The following ARL8B variants were observed in gnomAD, a reference collection of about 807,000 sequenced individuals.
ARL8B encodes the protein ADP-ribosylation factor-like protein 8B.
In ARL8B, 9 loss-of-function variants were observed where a neutral mutation model predicts 30.6. The observed-to-expected ratio is 0.29, with a 90% CI of 0.18 to 0.51. The LOEUF is 0.51. Ranked by LOEUF, ARL8B falls within the 20% of genes least tolerant of loss-of-function variation. The pLI, the probability that ARL8B is intolerant of heterozygous loss-of-function variation, is 0.97. For missense variants in ARL8B, 130 were observed against 227.2 expected, an observed-to-expected ratio of 0.57 and a Z score of 2.75; for synonymous variants, 74 against 76.0, an observed-to-expected ratio of 0.97 and a Z score of 0.14.
At chr3:5,162,487 T>C (rs2054591775) in intron 1 of ARL8B, among the ~76,000 whole-genome samples, 1 of 152,248 alleles carries the variant, frequency 6.6e-6, no homozygotes, top group Non-Finnish European at 1.5e-5. Flanking sequence ...GTTATGACTT[T>C]GTAGAAGGTT....
At chr3:5,127,181 C>T (rs1238029314) in intron 1 of ARL8B, among the ~76,000 whole-genome samples, 2 of 152,176 alleles carry the variant, frequency 1.3e-5, no homozygotes, top group Admixed American at 6.5e-5. Flanking sequence ...ATGTGGCTAG[C>T]AGATCCAGTG....
intron 3 of ARL8B, 140 bp downstream of exon 3, chr3:5,172,363 C>T: frequency 1.3e-6 from 1 of 761,528 alleles, no homozygotes; most frequent in Non-Finnish European, 2.2e-6. Flanking sequence ...GTGTAATTCC[C>T]AACATGGGAT....
chr3:5,158,774 A>G (rs899111269), intron 1 of ARL8B, among the ~76,000 whole-genome samples: 1 of 151,872 alleles, frequency 6.6e-6, no homozygotes. Context: ...CTACTGTTTT[A>G]GTAGGCTTTA....
chr3:5,169,336 T>TGTGTGA (rs2054650785), intron 1 of ARL8B, among the ~76,000 whole-genome samples: 1 of 143,200 alleles, frequency 7.0e-6, no homozygotes, highest in Non-Finnish European at 1.5e-5. Context: ...TGTGTGTGTG[T>TGTGTGA]GTGTGTGAGT....
Position 5,179,389 on chromosome 3 carries a change from A to C in ARL8B, c.*676A>C, listed in dbSNP as rs2054758203. The stretch of plus-strand genomic sequence containing the variant: ...CCTGCTTTCTGAGAACTCTATCACC[A>C]GATGGCAGTTGGGATATGGGAGGAA... On this transcript the variant is annotated 3_prime_UTR_variant, in exon 7 of 7. Transcript: ENST00000256496. 1 of 152,260 alleles carries C rather than the reference A, an allele frequency of 6.6e-6. No individual in the cohort carries two copies. Among genetic ancestry groups the C allele is most frequent in the Non-Finnish European group, 1.5e-5 (1 of 68,038 alleles). 9.4% of individuals were successfully genotyped at this position (152,260 alleles called of 1,614,324 possible). A position where few individuals can be genotyped will look rare whatever the true frequency, so the allele number is the denominator to read the frequency against.
chr3:5,151,581 A>G (rs1320176190), intron 1 of ARL8B, among the ~76,000 whole-genome samples: 3 of 152,192 alleles, frequency 2.0e-5, no homozygotes, highest in Non-Finnish European at 4.4e-5. Flanking sequence ...CCAATAGATT[A>G]TATAGCCAAG....
Position 5,126,566 on chromosome 3 carries a change from A to G in ARL8B, c.123+3978A>G, listed in dbSNP as rs545304930. ...GTTCATGAGACTGAATTACTATTAT[A>G]TGTAGGGTTTGGTTTGAGTCTAAAA... On this transcript the variant is annotated intron_variant, in intron 1 of 6. Transcript: ENST00000256496. 5.3e-5 allele frequency among the ~76,000 whole-genome samples: 8 copies of G among 152,296 alleles called. No individual in the cohort carries two copies. In the East Asian group the frequency reaches 1.2e-3, roughly 22 times the overall value.
intron 1 of ARL8B, among the ~76,000 whole-genome samples, chr3:5,160,690 C>T (rs2054573083): frequency 6.6e-6 from 1 of 152,162 alleles, no homozygotes; most frequent in Non-Finnish European, 1.5e-5. Context: ...AAAAAGTTAT[C>T]TAGATGTGAT....
chr3:5,166,171 T>C lies in ARL8B; in HGVS notation c.124-4332T>C, dbSNP rs35461250. On this transcript the variant is annotated intron_variant, in intron 1 of 6. Transcript: ENST00000256496. ...TCTCCTGCCTCAGCCTCCCAAGTAGTTGGGATTACAGGCACGCGCCACCAC... is the reference window on the plus strand; with the variant it reads ...TCTCCTGCCTCAGCCTCCCAAGTAGCTGGGATTACAGGCACGCGCCACCAC... 9.2e-3 allele frequency among the ~76,000 whole-genome samples: 1,387 copies of C among 150,176 alleles called. 18 individuals carry two copies. Among genetic ancestry groups the C allele is most frequent in the African/African-American group, 0.032 (1,294 of 40,828 alleles).
chr3:5,154,134 G>A (rs1422919064), intron 1 of ARL8B, among the ~76,000 whole-genome samples: 3 of 151,840 alleles, frequency 2.0e-5, no homozygotes, highest in Non-Finnish European at 4.4e-5. Flanking sequence ...CTTAGTGTTT[G>A]TTGTACTTCT....
intron 1 of ARL8B, among the ~76,000 whole-genome samples, chr3:5,142,447 A>G (rs1480586397): frequency 6.6e-6 from 1 of 152,158 alleles, no homozygotes; most frequent in Non-Finnish European, 1.5e-5. Flanking sequence ...GTCCTGGTAT[A>G]GAGCCAACAT....
intron 1 of ARL8B, among the ~76,000 whole-genome samples, chr3:5,146,897 C>G (rs1369145178): frequency 6.6e-6 from 1 of 152,140 alleles, no homozygotes; most frequent in African/African-American, 2.4e-5. Context: ...CCAAAAATGT[C>G]CCTTCTTTTT....
chr3:5,122,662 GT>G, intron 1 of ARL8B, 74 bp downstream of exon 1: 1 of 1,509,754 alleles, frequency 6.6e-7, no homozygotes, highest in Non-Finnish European at 8.9e-7. Flanking sequence ...CAAGGCCTGA[GT>G]TGGGGCCCCC....
chr3:5,135,539 A>G (rs931875939), intron 1 of ARL8B, among the ~76,000 whole-genome samples: 3 of 151,068 alleles, frequency 2.0e-5, no homozygotes, highest in South Asian at 2.1e-4. Flanking sequence ...GCTTACTGCA[A>G]CCTCCACCTC....
intron 1 of ARL8B, among the ~76,000 whole-genome samples, chr3:5,141,512 C>G (rs985768317): frequency 6.6e-6 from 1 of 152,132 alleles, no homozygotes; most frequent in Admixed American, 6.5e-5. Context: ...ATACTACATC[C>G]CACTGCTAAG....
intron 6 of ARL8B, 124 bp downstream of exon 6, chr3:5,174,538 C>A: frequency 1.5e-6 from 1 of 653,482 alleles, no homozygotes; most frequent in South Asian, 2.0e-5. Context: ...GTTGCTTTTG[C>A]CTGAGAAAAA....
intron 1 of ARL8B, among the ~76,000 whole-genome samples, chr3:5,165,064 T>C (rs890876575): frequency 3.3e-5 from 5 of 152,162 alleles, no homozygotes; most frequent in Non-Finnish European, 7.4e-5. Context: ...CTGAGCATCA[T>C]TGAGATACTA....
At chr3:5,154,860 G>A (rs2054518407) in intron 1 of ARL8B, among the ~76,000 whole-genome samples, 1 of 151,762 alleles carries the variant, frequency 6.6e-6, no homozygotes, top group Non-Finnish European at 1.5e-5. Context: ...ACAGGGGCAT[G>A]CCACCATGCC....
chr3:5,132,027 C>T (rs1243987483), intron 1 of ARL8B, among the ~76,000 whole-genome samples: 17 of 152,174 alleles, frequency 1.1e-4, no homozygotes, highest in African/African-American at 4.1e-4. Context: ...GGGCTACAGG[C>T]ATGTGCCGTC....
Sources: allele counts gnomAD v4.1 joint callset (sites outside exome capture counted in the v4.1 genomes callset), GRCh38; gene constraint gnomAD v4.1.1; transcripts MANE v1.5; gene names NCBI Gene and HGNC (gene_info 2026-07-23, HGNC 2026-07-21).